TBC1D32: variants seen among roughly 807,000 people sequenced by gnomAD.
The protein encoded by TBC1D32 is TBC1 domain family member 32.
In TBC1D32, 151 loss-of-function variants were observed where a neutral mutation model predicts 170.3. The observed-to-expected ratio is 0.89, with a 90% confidence interval of 0.78 to 1.01. The LOEUF (loss-of-function observed/expected upper bound fraction) is 1.01. Among genes scored for constraint, TBC1D32 ranks in the 50% least tolerant of loss-of-function variants. The probability of loss-of-function intolerance (pLI) is 0.00; values close to 1 mark genes in which losing one functional copy is unlikely to be tolerated. For synonymous variants in TBC1D32, 498 were observed against 488.0 expected, an observed-to-expected ratio of 1.02 and a Z score of -0.27; for missense variants, 1,464 against 1,457.1, an observed-to-expected ratio of 1.00 and a Z score of -0.08.
chr6:121,292,084 T>C lies in TBC1D32; in HGVS notation c.1341A>G (p.Lys447=). The change falls in exon 12 of 32, where the codon AAA becomes AAG. Residue 447 remains lysine (K), a synonymous_variant. Coordinates refer to ENST00000398212, the MANE Select transcript of TBC1D32 (RefSeq NM_152730.6). The part of the protein sequence containing the change: ...GRLLIYKQGR[K]LFPIKLKNKK... ...TATTCTTCAGCTTAATAGGAAATAG[T>C]TTTCTGCCTTGTTTATAGATCAATA... The C allele has an allele frequency of 6.3e-7, 1 of 1,594,444 alleles. No individual in the cohort carries two copies. Among genetic ancestry groups the C allele is most frequent in the South Asian group, 1.2e-5 (1 of 85,972 alleles).
chr6:121,185,493 T>C (rs908456899), intron 22 of TBC1D32, among the ~76,000 whole-genome samples: 1 of 152,092 alleles, frequency 6.6e-6, no homozygotes, highest in Non-Finnish European at 1.5e-5. Flanking sequence ...ATAGGAAATA[T>C]CTGTGAGTTG....
chr6:121,248,633 T>C (rs906568012), intron 17 of TBC1D32, among the ~76,000 whole-genome samples: 1 of 151,346 alleles, frequency 6.6e-6, no homozygotes, highest in East Asian at 1.9e-4. Flanking sequence ...TTACAGACAA[T>C]ATCACAGAAA....
intron 10 of TBC1D32, among the ~76,000 whole-genome samples, chr6:121,296,363 C>T (rs1805644382): frequency 1.3e-5 from 2 of 152,040 alleles, no homozygotes; most frequent in Admixed American, 1.3e-4. Flanking sequence ...TGGGGACCCT[C>T]CCCCTCCCAT....
intron 24 of TBC1D32, among the ~76,000 whole-genome samples, chr6:121,135,651 C>T (rs1781970277): frequency 6.6e-6 from 1 of 152,152 alleles, no homozygotes; most frequent in Non-Finnish European, 1.5e-5. Flanking sequence ...GTCAAGTTGG[C>T]TGCTGATTAA....
At chr6:121,111,939 A>C (rs1779245601) in intron 29 of TBC1D32, among the ~76,000 whole-genome samples, 1 of 152,132 alleles carries the variant, frequency 6.6e-6, no homozygotes, top group Admixed American at 6.6e-5. Context: ...AGCAAGCAAT[A>C]AACAAATAAA....
chr6:121,101,122 G>A (rs1778006039), intron 30 of TBC1D32, among the ~76,000 whole-genome samples: 3 of 152,038 alleles, frequency 2.0e-5, no homozygotes, highest in African/African-American at 4.8e-5. Flanking sequence ...AAAAGTCCAG[G>A]ACCAGATGGA....
At chr6:121,323,057 A>AT (rs775665137) in intron 1 of TBC1D32, among the ~76,000 whole-genome samples, 225 of 152,266 alleles carry the variant, frequency 1.5e-3, no homozygotes, top group Non-Finnish European at 2.3e-3. Flanking sequence ...TACCCACCAC[A>AT]TTTTTGGCAC....
chr6:121,084,670 C>T (rs969313946), intron 31 of TBC1D32, among the ~76,000 whole-genome samples: 2 of 152,150 alleles, frequency 1.3e-5, no homozygotes, highest in Non-Finnish European at 1.5e-5. Flanking sequence ...TTGATGTTTG[C>T]AAAAATACTG....
intron 17 of TBC1D32, among the ~76,000 whole-genome samples, chr6:121,245,429 A>G (rs1797471220): frequency 6.6e-6 from 1 of 152,146 alleles, no homozygotes; most frequent in South Asian, 2.1e-4. Flanking sequence ...TCAAGGGAAC[A>G]CCCTGTGGGA....
chr6:121,217,345 C>T (rs923486509), intron 21 of TBC1D32, among the ~76,000 whole-genome samples: 2 of 152,214 alleles, frequency 1.3e-5, no homozygotes, highest in Non-Finnish European at 2.9e-5. Flanking sequence ...TATCAACTCT[C>T]CGGCTTTGTG....
chr6:121,328,316 C>T (rs918641195), intron 1 of TBC1D32, among the ~76,000 whole-genome samples: 6 of 151,808 alleles, frequency 4.0e-5, no homozygotes, highest in Non-Finnish European at 8.8e-5. Flanking sequence ...GACGGAGTCT[C>T]GCTCTGTCAC....
intron 12 of TBC1D32, among the ~76,000 whole-genome samples, chr6:121,288,694 C>A (rs540862195): frequency 2.6e-5 from 4 of 152,072 alleles, no homozygotes; most frequent in Non-Finnish European, 4.4e-5. Context: ...GGCAGAGACA[C>A]AACAAAAAAA....
In TBC1D32 at chr6:121,284,010, G is replaced by A. The variant is rs572354790; in HGVS notation, c.1373-100C>T. On this transcript the variant is annotated intron_variant, in intron 12 of 31. Transcript: ENST00000398212. ...CATCCATCTATATAGTTGAGGTTTT[G>A]TACAGACTACGAGGCAATCAGGAAG... 1.7e-5 allele frequency: 14 copies of A among 836,578 alleles called. No homozygotes were observed. In the South Asian group the frequency reaches 2.1e-4, roughly 12 times the overall value. The allele number at this position is 836,578 out of a possible 1,614,324, so 51.8% of individuals were successfully genotyped here.
chr6:121,266,496 C>G (rs955641912), intron 15 of TBC1D32, among the ~76,000 whole-genome samples: 2 of 152,110 alleles, frequency 1.3e-5, no homozygotes, highest in South Asian at 2.1e-4. Flanking sequence ...CCACTTCTGA[C>G]AGTGTGGCAA....
intron 22 of TBC1D32, among the ~76,000 whole-genome samples, chr6:121,161,510 T>C (rs1242421710): frequency 6.6e-6 from 1 of 152,228 alleles, no homozygotes; most frequent in Admixed American, 6.5e-5. Flanking sequence ...GCTCCATTCA[T>C]GTCCCTGCAA....
chr6:121,244,181 T>A (rs979039854), intron 17 of TBC1D32, among the ~76,000 whole-genome samples: 1 of 151,858 alleles, frequency 6.6e-6, no homozygotes, highest in African/African-American at 2.4e-5. Flanking sequence ...AAATATTTTT[T>A]AAAAATTTAT....
chr6:121,242,850 T>C (rs972516090), intron 17 of TBC1D32, among the ~76,000 whole-genome samples: 10 of 152,240 alleles, frequency 6.6e-5, no homozygotes, highest in African/African-American at 2.4e-4. Flanking sequence ...AAGATCAACA[T>C]ATATTTATAA....
intron 22 of TBC1D32, among the ~76,000 whole-genome samples, chr6:121,203,560 A>G (rs1023954945): frequency 6.6e-6 from 1 of 151,390 alleles, no homozygotes; most frequent in East Asian, 1.9e-4. Context: ...TATTAATACT[A>G]CTGTTTTTAC....
chr6:121,220,467 A>G (rs1794363702), intron 21 of TBC1D32, among the ~76,000 whole-genome samples: 3 of 152,138 alleles, frequency 2.0e-5, no homozygotes, highest in Admixed American at 6.6e-5. Flanking sequence ...AGGAAGCTAC[A>G]GAAGAAAAGT....
Sources: gnomAD v4.1 joint callset for allele counts (sites outside exome capture counted in the v4.1 genomes callset) on GRCh38, gnomAD v4.1.1 for gene constraint, MANE v1.5 for transcripts, NCBI Gene and HGNC (gene_info 2026-07-23, HGNC 2026-07-21) for gene names.